Variants in ZNF521 observed in about 807,000 individuals in gnomAD.
ZNF521 encodes zinc finger protein 521.
In ZNF521, 14 loss-of-function variants were observed where a neutral mutation model predicts 105.5. That is an observed-to-expected ratio of 0.13 (90% CI 0.09 to 0.21). ZNF521 has a LOEUF of 0.21. Among genes scored for constraint, ZNF521 ranks in the 10% least tolerant of loss-of-function variants. ZNF521 has a pLI of 1.00. For synonymous variants in ZNF521, 635 were observed against 606.0 expected (o/e 1.05, Z -0.70); for missense variants, 1,233 against 1,629.7 (o/e 0.76, Z 4.19).
At chr18:25,101,843 C>T (rs550988327) in intron 5 of ZNF521, among the ~76,000 whole-genome samples, 2 of 152,250 alleles carry the variant, frequency 1.3e-5, no homozygotes, top group South Asian at 2.1e-4. Flanking sequence ...TTTTCTGTAG[C>T]TCCAACAGCA....
chr18:25,307,703 C>A (rs1297486746), intron 3 of ZNF521, among the ~76,000 whole-genome samples: 2 of 152,128 alleles, frequency 1.3e-5, no homozygotes, highest in Admixed American at 6.5e-5. Context: ...TAATGTTATG[C>A]CACTTCCAGG....
intron 5 of ZNF521, among the ~76,000 whole-genome samples, chr18:25,120,820 C>A (rs1054153501): frequency 6.6e-6 from 1 of 152,142 alleles, no homozygotes; most frequent in Non-Finnish European, 1.5e-5. Flanking sequence ...AATACCTTGG[C>A]TCCCTTCTTC....
rs977991503 is a variant in ZNF521 at position 25,311,685 on chromosome 18, T to C, written c.220+10323A>G. 3.3e-5 allele frequency among the ~76,000 whole-genome samples: 5 copies of C among 152,268 alleles called. No homozygotes were observed. The South Asian group carries it at 8.3e-4, about 25-fold the overall frequency. ...CAGCTTTGATTACCATCAATGACCA[T>C]CAAGGACATGGGAGAAATTCTTGAA... On this transcript the variant is annotated intron_variant, in intron 3 of 7. Transcript: ENST00000361524.
chr18:25,334,383 A>G (rs1221402978), intron 2 of ZNF521, among the ~76,000 whole-genome samples: 1 of 152,172 alleles, frequency 6.6e-6, no homozygotes, highest in African/African-American at 2.4e-5. Context: ...TCATTTGAAA[A>G]GTATGGGATG....
At chr18:25,260,534 T>C (rs1033490972) in intron 3 of ZNF521, among the ~76,000 whole-genome samples, 4 of 152,220 alleles carry the variant, frequency 2.6e-5, no homozygotes, top group Non-Finnish European at 5.9e-5. Flanking sequence ...TGGATTTCTT[T>C]TAAAAATTCA....
At chr18:25,087,063 T>C (rs888090542) in intron 7 of ZNF521, among the ~76,000 whole-genome samples, 3 of 152,218 alleles carry the variant, frequency 2.0e-5, no homozygotes, top group Admixed American at 2.0e-4. Context: ...TGACATCATC[T>C]CTCTGACAGC....
In ZNF521 at chr18:25,309,356, A is replaced by C. The variant is rs1356145789; in HGVS notation, c.220+12652T>G. Among the ~76,000 whole-genome samples the C allele has an allele frequency of 2.0e-5, 3 of 152,238 alleles. No individual in the cohort carries two copies. The South Asian group carries it at 6.2e-4, about 31-fold the overall frequency. On this transcript the variant is annotated intron_variant, in intron 3 of 7. Transcript: ENST00000361524. ...CAACAGAGAGACACTTTGGTGGAAAAACAAAAGAAATGAACAAATCAATGG... is the reference window on the plus strand; with the variant it reads ...CAACAGAGAGACACTTTGGTGGAAACACAAAAGAAATGAACAAATCAATGG...
At chr18:25,344,300 T>A (rs74905903) in intron 2 of ZNF521, among the ~76,000 whole-genome samples, 2,507 of 152,064 alleles carry the variant, frequency 0.016, 29 homozygotes, top group Non-Finnish European at 0.028. Context: ...TTTAAACCAT[T>A]TAAAAGCTTT....
intron 2 of ZNF521, among the ~76,000 whole-genome samples, chr18:25,350,586 T>A (rs1235640378): frequency 6.6e-6 from 1 of 150,794 alleles, no homozygotes; most frequent in Non-Finnish European, 1.5e-5. Context: ...TCAGACGGGA[T>A]ATTTTTTTTT....
chr18:25,118,102 G>C (rs2034364569), intron 5 of ZNF521, among the ~76,000 whole-genome samples: 1 of 152,034 alleles, frequency 6.6e-6, no homozygotes, highest in South Asian at 2.1e-4. Context: ...CTTCTCACTA[G>C]AGTCAATAGA....
intron 3 of ZNF521, among the ~76,000 whole-genome samples, chr18:25,246,131 G>A (rs1177067808): frequency 2.6e-5 from 4 of 152,190 alleles, no homozygotes; most frequent in African/African-American, 4.8e-5. Context: ...TGTAAATGAC[G>A]AGTTAATGGG....
At chr18:25,097,071 C>T (rs1385578769) in intron 5 of ZNF521, among the ~76,000 whole-genome samples, 1 of 152,132 alleles carries the variant, frequency 6.6e-6, no homozygotes, top group Non-Finnish European at 1.5e-5. Flanking sequence ...GAGTTAATTT[C>T]CAAGCACACA....
At chr18:25,206,231 C>T (rs1432601600) in intron 4 of ZNF521, among the ~76,000 whole-genome samples, 1 of 152,086 alleles carries the variant, frequency 6.6e-6, no homozygotes, top group Non-Finnish European at 1.5e-5. Context: ...TGGTCTCGAA[C>T]TCCTGGCCTC....
At chr18:25,105,766 A>AGTT (rs2034059519) in intron 5 of ZNF521, among the ~76,000 whole-genome samples, 1 of 152,110 alleles carries the variant, frequency 6.6e-6, no homozygotes, top group Admixed American at 6.6e-5. Flanking sequence ...AAAACAACTA[A>AGTT]ATTTCAGTAT....
At position 25,263,381 on chromosome 18, in the gene ZNF521, G is replaced by C. The variant is rs1364844600; in HGVS notation, c.221-35684C>G. Among the ~76,000 whole-genome samples the C allele has an allele frequency of 2.0e-5, 3 of 151,590 alleles. 1 individual carries two copies. The highest frequency in any genetic ancestry group is 3.9e-4 in the East Asian group (2 of 5,150). On this transcript the variant is annotated intron_variant, in intron 3 of 7. Coordinates refer to ENST00000361524, the MANE Select transcript of ZNF521 (RefSeq NM_015461.3). ...CTTTTTTTTTTGTTTTTTTGAGACA[G>C]AGTTTCACTCTTGTCGCCCAGGCTG... is the stretch of plus-strand genomic sequence containing the variant.
chr18:25,333,184 A>G (rs982262736), intron 2 of ZNF521, among the ~76,000 whole-genome samples: 2 of 151,842 alleles, frequency 1.3e-5, no homozygotes, highest in African/African-American at 4.8e-5. Context: ...GCATAAAGTA[A>G]TATCAACGAA....
intron 7 of ZNF521, 114 bp downstream of exon 7, chr18:25,089,351 A>C (rs1600000060): frequency 1.3e-6 from 1 of 776,502 alleles, no homozygotes; most frequent in Non-Finnish European, 2.1e-6. Flanking sequence ...AATACACACA[A>C]AGCATCATGG....
chr18:25,246,316 G>C (rs1178625205), intron 3 of ZNF521, among the ~76,000 whole-genome samples: 1 of 152,112 alleles, frequency 6.6e-6, no homozygotes, highest in Non-Finnish European at 1.5e-5. Context: ...TTGCTCAAAA[G>C]CTATTACACT....
At position 25,209,689 on chromosome 18, in the gene ZNF521, T is replaced by A. The variant is rs192675420; in HGVS notation, c.3574-14445A>T. Among the ~76,000 whole-genome samples the A allele has an allele frequency of 4.6e-4, 70 of 152,322 alleles. 1 individual carries two copies. The East Asian group carries it at 0.012, about 27-fold the overall frequency. ...CAATTTTTACTTGACTTAAATGTTA[T>A]TTCTCCAAGATGTTGTTAACTCCCT... On this transcript the variant is annotated intron_variant, in intron 4 of 7. Coordinates refer to ENST00000361524, the MANE Select transcript of ZNF521 (RefSeq NM_015461.3).
Sources: allele counts gnomAD v4.1 joint callset (sites outside exome capture counted in the v4.1 genomes callset), GRCh38; gene constraint gnomAD v4.1.1; transcripts MANE v1.5; gene names NCBI Gene and HGNC (gene_info 2026-07-23, HGNC 2026-07-21).